PCDH11X: variants seen among roughly 807,000 people sequenced by gnomAD.
The protein encoded by PCDH11X is protocadherin-11 X-linked.
Under a neutral mutation model 53.3 loss-of-function variants are expected in PCDH11X, and 18 were observed. The observed-to-expected ratio is 0.34, with a 90% CI of 0.23 to 0.50. The LOEUF (loss-of-function observed/expected upper bound fraction) is 0.50, where lower values mean the gene tolerates loss of function less well. Among genes scored for constraint, PCDH11X ranks in the 20% least tolerant of loss-of-function variants. PCDH11X has a pLI of 0.98. For missense variants in PCDH11X, 570 were observed against 1,032.4 expected (o/e 0.55, Z 6.14); for synonymous variants, 279 against 393.3 (o/e 0.71, Z 3.44).
At chrX:92,570,488 C>T (rs939289262) in intron 10 of PCDH11X, among the ~76,000 whole-genome samples, 39 of 109,300 alleles carry the variant, frequency 3.6e-4, no homozygotes, top group African/African-American at 1.3e-3. Context: ...TGAGGTTGCT[C>T]CTTTGAGGTG....
intron 6 of PCDH11X, among the ~76,000 whole-genome samples, chrX:92,008,288 C>A (rs2062634574): frequency 9.0e-6 from 1 of 110,586 alleles, no homozygotes; most frequent in African/African-American, 3.3e-5. Flanking sequence ...GTGTGGTAGC[C>A]TTTGATGGTG....
At chrX:91,976,326 A>C (rs960237380) in intron 6 of PCDH11X, among the ~76,000 whole-genome samples, 5 of 112,463 alleles carry the variant, frequency 4.4e-5, no homozygotes, top group Non-Finnish European at 7.5e-5. Flanking sequence ...AATAAAACAG[A>C]TGTAATTTTG....
chrX:91,909,881 C>G (rs1204187742), intron 6 of PCDH11X, among the ~76,000 whole-genome samples: 1 of 111,532 alleles, frequency 9.0e-6, no homozygotes, highest in African/African-American at 3.3e-5. Flanking sequence ...CACTATCAAG[C>G]TAATTAACAT....
intron 6 of PCDH11X, among the ~76,000 whole-genome samples, chrX:92,136,298 G>T (rs1415009307): frequency 9.0e-6 from 1 of 110,727 alleles, no homozygotes; most frequent in Non-Finnish European, 1.9e-5. Flanking sequence ...TATGTGTGAC[G>T]TAGACAGCAA....
intron 8 of PCDH11X, among the ~76,000 whole-genome samples, chrX:92,274,052 T>C (rs2068021531): frequency 9.4e-6 from 1 of 106,787 alleles, no homozygotes; most frequent in African/African-American, 3.5e-5. Flanking sequence ...GGAGTATGAC[T>C]AGACAGAAGA....
At chrX:91,873,781 G>C (rs1939446850) in intron 5 of PCDH11X, among the ~76,000 whole-genome samples, 1 of 111,521 alleles carries the variant, frequency 9.0e-6, no homozygotes, top group Admixed American at 9.5e-5. Context: ...CGAAACTTAA[G>C]AACTTTGGAA....
intron 9 of PCDH11X, among the ~76,000 whole-genome samples, chrX:92,429,955 A>G (rs1409672026): frequency 3.7e-5 from 4 of 109,314 alleles, no homozygotes; most frequent in Non-Finnish European, 7.7e-5. Context: ...TATGCTCCAT[A>G]TGAGAACATG....
In PCDH11X at chrX:92,507,521, A is replaced by AT. The variant is rs746101664; in HGVS notation, c.3367+39207dup. 4.7e-4 allele frequency among the ~76,000 whole-genome samples: 52 copies of AT among 110,811 alleles called. 1 individual carries two copies. Among genetic ancestry groups the AT allele is most frequent in the Admixed American group, 4.6e-3 (48 of 10,372 alleles). ...ATTGGTGAGAGCTGACTCTATTTTG[A>AT]TTTTTTTTAAATAAGATGCAATATT... On this transcript the variant is annotated intron_variant, in intron 10 of 10. Transcript: ENST00000682573.
intron 10 of PCDH11X, among the ~76,000 whole-genome samples, chrX:92,490,498 C>T (rs1304475019): frequency 4.5e-5 from 5 of 110,881 alleles, no homozygotes; most frequent in African/African-American, 6.6e-5. Context: ...TAGGAAATAA[C>T]ATGCTACATC....
intron 7 of PCDH11X, among the ~76,000 whole-genome samples, chrX:92,226,713 C>A (rs1025449287): frequency 9.0e-6 from 1 of 110,765 alleles, no homozygotes. Flanking sequence ...GTAGTCTAGC[C>A]TCAGGGAGAA....
At chrX:92,244,622 G>A (rs1341507026) in intron 7 of PCDH11X, among the ~76,000 whole-genome samples, 2 of 111,630 alleles carry the variant, frequency 1.8e-5, no homozygotes, top group African/African-American at 3.3e-5. Flanking sequence ...GTGCTTTACT[G>A]TGTTAACTCA....
At chrX:92,439,758 A>T (rs1247386151) in intron 9 of PCDH11X, among the ~76,000 whole-genome samples, 1 of 105,353 alleles carries the variant, frequency 9.5e-6, no homozygotes, top group Non-Finnish European at 1.9e-5. Flanking sequence ...CCTTCCTACT[A>T]TCCCTTCTTC....
intron 10 of PCDH11X, among the ~76,000 whole-genome samples, chrX:92,579,336 A>G (rs1460740897): frequency 9.2e-6 from 1 of 109,241 alleles, no homozygotes; most frequent in African/African-American, 3.4e-5. Flanking sequence ...ATCTTGAAGT[A>G]TGTTTTTCAA....
At chrX:92,068,899 T>C (rs1056976674) in intron 6 of PCDH11X, among the ~76,000 whole-genome samples, 1 of 111,221 alleles carries the variant, frequency 9.0e-6, no homozygotes. Context: ...TGACTTATTA[T>C]ATGGTCTGTC....
intron 10 of PCDH11X, among the ~76,000 whole-genome samples, chrX:92,596,100 C>A (rs191953121): frequency 8.9e-6 from 1 of 112,349 alleles, no homozygotes; most frequent in Admixed American, 9.5e-5. Context: ...TTAATTTGCT[C>A]TTTCCTGTTT....
intron 10 of PCDH11X, among the ~76,000 whole-genome samples, chrX:92,489,932 TATA>T (rs1035184391): frequency 2.7e-4 from 28 of 101,959 alleles, no homozygotes; most frequent in Non-Finnish European, 5.2e-4. Flanking sequence ...TCTATAATTA[TATA>T]ATAATAATAA....
chrX:92,185,015 C>T (rs1362345821), intron 6 of PCDH11X, among the ~76,000 whole-genome samples: 5 of 111,790 alleles, frequency 4.5e-5, no homozygotes, highest in African/African-American at 1.6e-4. Flanking sequence ...AGAATAATAT[C>T]ACCACCTCAA....
intron 10 of PCDH11X, among the ~76,000 whole-genome samples, chrX:92,525,177 TTC>T (rs1262585001): frequency 1.8e-5 from 2 of 112,013 alleles, no homozygotes. Context: ...TAATTTTGAA[TTC>T]TTTTTGTCAA....
intron 9 of PCDH11X, among the ~76,000 whole-genome samples, chrX:92,428,921 A>C (rs941128231): frequency 7.2e-5 from 8 of 111,515 alleles, no homozygotes; most frequent in Non-Finnish European, 1.5e-4. Flanking sequence ...CATAGAGACC[A>C]GATACCACTC....
Sources: allele counts gnomAD v4.1 joint callset (sites outside exome capture counted in the v4.1 genomes callset), GRCh38; gene constraint gnomAD v4.1.1; transcripts MANE v1.5; gene names NCBI Gene and HGNC (gene_info 2026-07-23, HGNC 2026-07-21).